MCM5: variants seen among roughly 807,000 people sequenced by gnomAD.
MCM5 encodes DNA replication licensing factor MCM5.
A neutral mutation model predicts 79.9 loss-of-function variants in MCM5; 46 were observed. The observed-to-expected ratio is 0.58, with a 90% CI of 0.45 to 0.74. The LOEUF (loss-of-function observed/expected upper bound fraction) is 0.74. Ranked by LOEUF, MCM5 falls within the 30% of genes least tolerant of loss-of-function variation. The pLI is 0.00. For missense variants in MCM5, 883 were observed against 1,017.0 expected (o/e 0.87, Z 1.79); for synonymous variants, 404 against 390.5 (o/e 1.03, Z -0.41).
At chr22:35,436,528 TC>T in the MCM5 span, among the ~76,000 whole-genome samples, 1 of 152,172 alleles carries the variant, frequency 6.6e-6, no homozygotes. Flanking sequence ...CTGTTTCTAC[TC>T]CTTTGCCAGC....
chr22:35,406,305 C>CCCT lies in MCM5; in HGVS notation c.424-246_424-245insTCC, dbSNP rs1259813057. Reference sequence around the variant, plus strand: ...TATCTCTTGCCCTGCCACCTCCCCCCCCAATTGTGCTGCGAGGTCTTTAAA... The same window carrying CCCT: ...TATCTCTTGCCCTGCCACCTCCCCCCCCTCCAATTGTGCTGCGAGGTCTTTAAA... On this transcript the variant is annotated intron_variant, in intron 4 of 16. Transcript: ENST00000216122. 1.0e-2 allele frequency among the ~76,000 whole-genome samples: 1,448 copies of CCCT among 144,940 alleles called. 85 individuals carry two copies. The highest frequency in any genetic ancestry group is 0.034 in the African/African-American group (1,322 of 38,974).
chr22:35,426,837 G>GCC (rs1005833868), downstream of MCM5, among the ~76,000 whole-genome samples: 1 of 152,112 alleles, frequency 6.6e-6, no homozygotes, highest in Non-Finnish European at 1.5e-5. Flanking sequence ...TGTGTTCCCT[G>GCC]CCCCACTCTA....
the MCM5 span, among the ~76,000 whole-genome samples, chr22:35,442,843 CT>C: frequency 2.6e-5 from 4 of 152,380 alleles, no homozygotes; most frequent in African/African-American, 9.6e-5. Flanking sequence ...TACTCTGCCC[CT>C]GACAGGAGGC....
chr22:35,408,888 G>T (rs949685129), intron 6 of MCM5, among the ~76,000 whole-genome samples: 1 of 152,222 alleles, frequency 6.6e-6, no homozygotes, highest in Non-Finnish European at 1.5e-5. Context: ...TAGGATAAGA[G>T]GCCCAGGATG....
chr22:35,444,218 A>AGG, the MCM5 span, among the ~76,000 whole-genome samples: 28 of 148,802 alleles, frequency 1.9e-4, no homozygotes, highest in South Asian at 3.0e-3. Flanking sequence ...AAAGGGGAGG[A>AGG]GGGAGAGAGG....
the MCM5 span, among the ~76,000 whole-genome samples, chr22:35,444,585 G>C: frequency 6.6e-6 from 1 of 152,138 alleles, no homozygotes; most frequent in African/African-American, 2.4e-5. Context: ...CCCTCCTGTG[G>C]GGTCTGTGTG....
intron 15 of MCM5, 44 bp from the exon 16 acceptor site, chr22:35,423,170 C>T (rs764843681): frequency 6.6e-6 from 10 of 1,518,444 alleles, no homozygotes; most frequent in Non-Finnish European, 8.9e-6. Flanking sequence ...CAAGAACTCC[C>T]ATTGTCCCAG....
chr22:35,427,081 G>A (rs897419977), downstream of MCM5, among the ~76,000 whole-genome samples: 12 of 152,206 alleles, frequency 7.9e-5, no homozygotes, highest in African/African-American at 2.7e-4. Context: ...GGCCACTGGT[G>A]TCAGACAGGA....
In MCM5 at chr22:35,420,022, C is replaced by T. The variant is rs2307338; in HGVS notation, c.1832+10C>T. 3.6e-3 allele frequency: 5,824 copies of T among 1,602,020 alleles called. 179 individuals are homozygous for T. In the African/African-American group the frequency reaches 0.066, roughly 18 times the overall value. ...TCCCCATCACTGTGCGGTGAGCAGG[C>T]GGGCAGGGCTGGGCCATGGCAGATG... On this transcript the variant is annotated intron_variant, in intron 14 of 16. Coordinates refer to ENST00000216122, the MANE Select transcript of MCM5 (RefSeq NM_006739.4).
At chr22:35,410,097 CA>C (rs1932332263) in intron 6 of MCM5, 1 of 154,822 alleles carries the variant, frequency 6.5e-6, no homozygotes, top group Non-Finnish European at 1.4e-5. Context: ...CCTGACTCCA[CA>C]ACATGAGAGG....
intron 16 of MCM5, 161 bp from the exon 17 acceptor site, chr22:35,423,993 G>C (rs1932753266): frequency 1.8e-6 from 1 of 563,950 alleles, no homozygotes; most frequent in Non-Finnish European, 3.2e-6. Context: ...CTTAGCCTCC[G>C]TGTGCCTCAG....
the MCM5 span, among the ~76,000 whole-genome samples, chr22:35,452,920 T>A: frequency 1.3e-5 from 2 of 152,062 alleles, no homozygotes; most frequent in Non-Finnish European, 2.9e-5. Context: ...TCTGGAGCAC[T>A]CTCACCCACC....
intron 14 of MCM5, 41 bp downstream of exon 14, chr22:35,420,053 T>A (rs938281472): frequency 1.3e-6 from 2 of 1,568,570 alleles, no homozygotes; most frequent in Admixed American, 1.8e-5. Flanking sequence ...AGATGGGGCT[T>A]GCTTTACACA....
At chr22:35,409,119 T>C (rs1312785516) in intron 6 of MCM5, among the ~76,000 whole-genome samples, 1 of 152,212 alleles carries the variant, frequency 6.6e-6, no homozygotes, top group Non-Finnish European at 1.5e-5. Context: ...CCCTCCACCA[T>C]GCCCAGCTAA....
At chr22:35,449,364 A>G in the MCM5 span, among the ~76,000 whole-genome samples, 1 of 151,900 alleles carries the variant, frequency 6.6e-6, no homozygotes, top group Non-Finnish European at 1.5e-5. Context: ...GTGTCTCTGC[A>G]CTTAAGTCCA....
In MCM5 at chr22:35,424,184, C is replaced by G. The variant is rs752929192; in HGVS notation, c.2134C>G (p.Leu712Val). 6.4e-7 allele frequency: 1 copy of G among 1,552,930 alleles called. No individual in the cohort carries two copies. The highest frequency in any genetic ancestry group is 2.0e-5 in the Admixed American group (1 of 51,194). The change falls in exon 17 of 17, where the codon CTG becomes GTG. Residue 712 changes from leucine to valine, a missense_variant. Physicochemically the swap from Leu to Val is conservative, Grantham distance 32. Transcript: ENST00000216122. Reference sequence around the variant, plus strand: ...CCCGGAGCACGCCATCCACAAGGTGCTGCAGCTCATGCTGCGGCGCGGCGA... The same window carrying G: ...CCCGGAGCACGCCATCCACAAGGTGGTGCAGCTCATGCTGCGGCGCGGCGA... ...KYPEHAIHKVLQLMLRRGEIQ... is the reference protein window; with the variant it reads ...KYPEHAIHKVVQLMLRRGEIQ...
intron 8 of MCM5, 39 bp from the exon 9 acceptor site, chr22:35,413,836 A>G: frequency 8.3e-7 from 1 of 1,208,728 alleles, no homozygotes; most frequent in Non-Finnish European, 1.2e-6. Flanking sequence ...CGATGCCCTC[A>G]TGGATTCTCA....
chr22:35,411,805 A>G (rs1932390692), intron 7 of MCM5, among the ~76,000 whole-genome samples: 3 of 152,162 alleles, frequency 2.0e-5, no homozygotes, highest in African/African-American at 7.2e-5. Context: ...CCCACGTTCC[A>G]GACTTTAATA....
chr22:35,407,021 T>C (rs1932238663), intron 5 of MCM5, among the ~76,000 whole-genome samples: 1 of 152,188 alleles, frequency 6.6e-6, no homozygotes, highest in Non-Finnish European at 1.5e-5. Context: ...TGGAATCTTC[T>C]GAAGCAAACT....
Sources: gnomAD v4.1 joint callset for allele counts (sites outside exome capture counted in the v4.1 genomes callset) on GRCh38, gnomAD v4.1.1 for gene constraint, MANE v1.5 for transcripts, NCBI Gene and HGNC (gene_info 2026-07-23, HGNC 2026-07-21) for gene names.